WDR19: variants seen among roughly 807,000 people sequenced by gnomAD.
WDR19 encodes WD repeat-containing protein 19.
WDR19 carries 121 observed loss-of-function variants against 180.0 expected under a neutral mutation model. The observed-to-expected ratio is 0.67, with a 90% CI of 0.58 to 0.78. The LOEUF is 0.78. Among genes scored for constraint, WDR19 ranks in the 30% least tolerant of loss-of-function variants. The pLI is 0.00. For missense variants in WDR19, 1,450 were observed against 1,640.7 expected, an observed-to-expected ratio of 0.88 and a Z score of 2.01; for synonymous variants, 497 against 540.7, an observed-to-expected ratio of 0.92 and a Z score of 1.12.
At chr4:39,251,041 G>A (rs1733115081) in intron 24 of WDR19, among the ~76,000 whole-genome samples, 1 of 152,042 alleles carries the variant, frequency 6.6e-6, no homozygotes, top group Non-Finnish European at 1.5e-5. Flanking sequence ...AAAAGAGCTT[G>A]CATCGCCAAG....
At chr4:39,190,800 C>T (rs1726076348) in intron 4 of WDR19, among the ~76,000 whole-genome samples, 1 of 152,208 alleles carries the variant, frequency 6.6e-6, no homozygotes, top group Admixed American at 6.5e-5. Flanking sequence ...TCATTTCTTG[C>T]TCTGTCCTCT....
In WDR19 at chr4:39,277,081, C is replaced by A. The variant is rs778837060; in HGVS notation, c.3778C>A (p.Leu1260Ile). 2 of 1,613,940 alleles carry A rather than the reference C, an allele frequency of 1.2e-6. No individual in the cohort carries two copies. Among genetic ancestry groups the A allele is most frequent in the Admixed American group, 3.3e-5 (2 of 60,026 alleles). ...TCCATGTCCATTCTGCAAATTTCTT[C>A]TCCCAGAGTGTGAACTCCTCTGTCC... Reference protein sequence around the residue: ...TTPCPFCKFLLPECELLCPGC... With the variant: ...TTPCPFCKFLIPECELLCPGC... Residue 1260 changes from leucine (L) to isoleucine (I), a missense_variant, in exon 34 of 37, where the codon CTC becomes ATC. Coordinates refer to ENST00000399820, the MANE Select transcript of WDR19 (RefSeq NM_025132.4).
At chr4:39,282,862 CCTTT>C (rs1312986070) in intron 36 of WDR19, among the ~76,000 whole-genome samples, 1 of 152,122 alleles carries the variant, frequency 6.6e-6, no homozygotes, top group East Asian at 1.9e-4. Context: ...CATCCTATAA[CCTTT>C]CTAAATTGAC....
At chr4:39,185,876 A>G in intron 2 of WDR19, 59 bp downstream of exon 2, 1 of 1,332,470 alleles carries the variant, frequency 7.5e-7, no homozygotes, top group East Asian at 2.6e-5. Context: ...CACACCATCT[A>G]CTCAGTAGAA....
chr4:39,262,641 A>G (rs1157175116), intron 28 of WDR19, among the ~76,000 whole-genome samples: 1 of 152,214 alleles, frequency 6.6e-6, no homozygotes, highest in East Asian at 1.9e-4. Flanking sequence ...GCACCTCTGC[A>G]TCTCATACCC....
At chr4:39,279,700 CTTTT>C (rs3068583) in intron 36 of WDR19, among the ~76,000 whole-genome samples, 9 of 100,060 alleles carry the variant, frequency 9.0e-5, no homozygotes, top group Admixed American at 2.1e-4. Context: ...GTCTGCCTTA[CTTTT>C]TTTTTTTTTT....
chr4:39,265,389 A>G (rs1267233372), intron 28 of WDR19, among the ~76,000 whole-genome samples: 1 of 152,084 alleles, frequency 6.6e-6, no homozygotes, highest in Non-Finnish European at 1.5e-5. Flanking sequence ...GCCGCTGCAG[A>G]GGAGGGCCCC....
intron 31 of WDR19, 150 bp from the exon 32 acceptor site, chr4:39,272,830 G>A (rs1042279186): frequency 2.1e-5 from 13 of 617,720 alleles, no homozygotes; most frequent in Non-Finnish European, 3.3e-5. Context: ...AAAAAGTGGA[G>A]GGATCTCTAA....
chr4:39,237,324 C>T (rs1210388779), intron 20 of WDR19, among the ~76,000 whole-genome samples: 2 of 151,932 alleles, frequency 1.3e-5, no homozygotes, highest in African/African-American at 2.4e-5. Context: ...TTTGAGAGGC[C>T]CAAGGGAGGA....
intron 33 of WDR19, 138 bp downstream of exon 33, chr4:39,275,096 T>A: frequency 9.2e-7 from 1 of 1,091,066 alleles, no homozygotes; most frequent in Non-Finnish European, 1.3e-6. Context: ...TCCCAACACT[T>A]TGGAAGGCTG....
At chr4:39,214,734 T>TTTG in intron 10 of WDR19, 63 bp downstream of exon 10, 1 of 1,073,044 alleles carries the variant, frequency 9.3e-7, no homozygotes, top group Admixed American at 2.1e-5. Context: ...TAAGGTTGTG[T>TTTG]TTGTTATCGT....
chr4:39,277,296 G>T, intron 34 of WDR19, 153 bp downstream of exon 34: 3 of 871,698 alleles, frequency 3.4e-6, no homozygotes, highest in Non-Finnish European at 5.0e-6. Context: ...AGTCAATACA[G>T]TTAAAGGTGA....
intron 28 of WDR19, among the ~76,000 whole-genome samples, chr4:39,264,136 A>T (rs546277524): frequency 6.6e-6 from 1 of 152,276 alleles, no homozygotes; most frequent in Admixed American, 6.5e-5. Flanking sequence ...TAATCCTCAC[A>T]ACAGTTCTGT....
intron 19 of WDR19, among the ~76,000 whole-genome samples, chr4:39,234,097 A>G (rs1731142491): frequency 6.6e-6 from 1 of 152,210 alleles, no homozygotes; most frequent in Non-Finnish European, 1.5e-5. Flanking sequence ...TAAATTGCAA[A>G]AGGGTAGTTG....
In WDR19 at chr4:39,232,439, A is replaced by G. The variant is rs1447122541; in HGVS notation, c.2253+167A>G. On this transcript the variant is annotated intron_variant, in intron 19 of 36. Coordinates refer to ENST00000399820, the MANE Select transcript of WDR19 (RefSeq NM_025132.4). ...CAGAAGTCCTAGACCAGCCTGACCA[A>G]TATGATGAAACCTCATCTCAGCTAA... The G allele has an allele frequency of 7.8e-6, 4 of 509,940 alleles. No homozygotes were observed. In the Admixed American group the frequency reaches 1.4e-4, roughly 18 times the overall value. The allele number at this position is 509,940 out of a possible 1,614,324, so 31.6% of individuals were successfully genotyped here. A position where few individuals can be genotyped will look rare whatever the true frequency, so the allele number is the denominator to read the frequency against.
intron 36 of WDR19, among the ~76,000 whole-genome samples, chr4:39,284,895 G>A (rs541200848): frequency 3.3e-5 from 5 of 152,074 alleles, no homozygotes; most frequent in South Asian, 2.1e-4. Flanking sequence ...CTTCAGAAAC[G>A]TCACTATAGC....
intron 26 of WDR19, among the ~76,000 whole-genome samples, chr4:39,254,743 C>G (rs999418008): frequency 6.6e-5 from 10 of 152,144 alleles, no homozygotes; most frequent in African/African-American, 2.4e-4. Context: ...TTTTCATCAT[C>G]CCAGACTGTC....
intron 32 of WDR19, 63 bp downstream of exon 32, chr4:39,273,124 C>T (rs1467699098): frequency 2.3e-5 from 30 of 1,332,882 alleles, no homozygotes; most frequent in African/African-American, 3.0e-5. Flanking sequence ...GCTAGCCCAG[C>T]GCCCCTTTTG....
chr4:39,233,414 A>G (rs536833698), intron 19 of WDR19, among the ~76,000 whole-genome samples: 177 of 152,300 alleles, frequency 1.2e-3, no homozygotes, highest in Non-Finnish European at 1.9e-3. Context: ...CCTAGATCCT[A>G]TTTCTTTAAA....
Sources: gnomAD v4.1 joint callset for allele counts (sites outside exome capture counted in the v4.1 genomes callset) on GRCh38, gnomAD v4.1.1 for gene constraint, MANE v1.5 for transcripts, NCBI Gene and HGNC (gene_info 2026-07-23, HGNC 2026-07-21) for gene names.